The following CLNK variants were observed in gnomAD, a reference collection of about 807,000 sequenced individuals.
CLNK encodes cytokine-dependent hematopoietic cell linker.
In CLNK, 74 loss-of-function variants were observed where a neutral mutation model predicts 68.6. That is an observed-to-expected ratio of 1.08 (90% CI 0.89 to 1.31). The LOEUF (loss-of-function observed/expected upper bound fraction) is 1.31, where lower values mean the gene tolerates loss of function less well. CLNK is among the 50% of genes most tolerant of loss of function. CLNK has a pLI of 0.00. For missense variants in CLNK, 553 were observed against 515.3 expected, an observed-to-expected ratio of 1.07 and a Z score of -0.71; for synonymous variants, 198 against 172.2, an observed-to-expected ratio of 1.15 and a Z score of -1.17.
chr4:10,528,395 A>T (rs1718406020), intron 12 of CLNK, among the ~76,000 whole-genome samples: 1 of 152,222 alleles, frequency 6.6e-6, no homozygotes, highest in African/African-American at 2.4e-5. Context: ...AAATACTCTT[A>T]TTCTTATCTC....
At chr4:10,566,229 A>C in intron 5 of CLNK, 79 bp from the exon 6 acceptor site, 1 of 1,407,918 alleles carries the variant, frequency 7.1e-7, no homozygotes, top group Non-Finnish European at 9.7e-7. Flanking sequence ...TGGCTAGAGA[A>C]ATGGGGTAGA....
chr4:10,556,799 G>A (rs889725527), intron 8 of CLNK, among the ~76,000 whole-genome samples: 8 of 152,056 alleles, frequency 5.3e-5, no homozygotes, highest in African/African-American at 1.7e-4. Flanking sequence ...GAGAAGGGCC[G>A]GGTGTGGTGG....
the CLNK span, among the ~76,000 whole-genome samples, chr4:10,728,558 A>G: frequency 6.7e-6 from 1 of 149,986 alleles, no homozygotes; most frequent in Non-Finnish European, 1.5e-5. Context: ...CTCAGTGGTC[A>G]CTGATCTGTG....
intron 2 of CLNK, among the ~76,000 whole-genome samples, chr4:10,662,771 G>A (rs11731066): frequency 0.22 from 33,966 of 152,144 alleles, 4,731 homozygotes; most frequent in Non-Finnish European, 0.31. Flanking sequence ...GACAACTGTA[G>A]CAAGTTAGTG....
At chr4:10,499,144 T>G (rs1175271213) in intron 18 of CLNK, among the ~76,000 whole-genome samples, 1 of 152,172 alleles carries the variant, frequency 6.6e-6, no homozygotes, top group Non-Finnish European at 1.5e-5. Context: ...CCTCTCCACT[T>G]TCTTTTATAT....
At chr4:10,634,297 G>A (rs1722997843) in intron 2 of CLNK, among the ~76,000 whole-genome samples, 1 of 152,206 alleles carries the variant, frequency 6.6e-6, no homozygotes, top group African/African-American at 2.4e-5. Flanking sequence ...AGACACCTGG[G>A]TGGTCATTTT....
intron 3 of CLNK, among the ~76,000 whole-genome samples, chr4:10,590,697 A>G (rs777972801): frequency 1.3e-5 from 2 of 152,198 alleles, no homozygotes; most frequent in Non-Finnish European, 2.9e-5. Flanking sequence ...TTGAAAGACA[A>G]TTTGTACTTC....
chr4:10,610,992 G>A (rs1226774603), intron 2 of CLNK, among the ~76,000 whole-genome samples: 4 of 146,618 alleles, frequency 2.7e-5, no homozygotes, highest in East Asian at 2.0e-4. Flanking sequence ...GAGACCAGCC[G>A]GGGCAACATG....
At chr4:10,522,536 T>C (rs1399546428) in intron 14 of CLNK, among the ~76,000 whole-genome samples, 2 of 131,290 alleles carry the variant, frequency 1.5e-5, no homozygotes, top group Non-Finnish European at 3.1e-5. Flanking sequence ...ATCGTACCAC[T>C]GCACCCCAGC....
chr4:10,657,261 C>T (rs1560265950), intron 2 of CLNK, among the ~76,000 whole-genome samples: 1 of 152,036 alleles, frequency 6.6e-6, no homozygotes, highest in Non-Finnish European at 1.5e-5. Context: ...ATGATATAAA[C>T]TAAAGATAAA....
Position 10,540,522 on chromosome 4 carries a change from T to C in CLNK, c.574A>G (p.Thr192Ala). The C allele has an allele frequency of 6.2e-7, 1 of 1,613,354 alleles. No homozygotes were observed. Among genetic ancestry groups the C allele is most frequent in the Non-Finnish European group, 8.5e-7 (1 of 1,179,472 alleles). ...SSRPPLSQRH[T>A]FPEVQRMPSQ... Reference sequence around the variant, plus strand: ...GGCATTCTCTGGACTTCTGGAAAGGTGTGTCTCTGAGATAAAGGTGGCCTG... The same window carrying C: ...GGCATTCTCTGGACTTCTGGAAAGGCGTGTCTCTGAGATAAAGGTGGCCTG... Residue 192 changes from threonine (T) to alanine (A), a missense_variant, in exon 11 of 19, where the codon ACC becomes GCC. Coordinates refer to ENST00000226951, the MANE Select transcript of CLNK (RefSeq NM_052964.4).
chr4:10,590,695 C>T (rs1203901784), intron 3 of CLNK, among the ~76,000 whole-genome samples: 3 of 152,212 alleles, frequency 2.0e-5, no homozygotes, highest in African/African-American at 7.2e-5. Flanking sequence ...TTTTGAAAGA[C>T]AATTTGTACT....
intron 2 of CLNK, among the ~76,000 whole-genome samples, chr4:10,657,655 CA>C (rs1372465267): frequency 1.3e-5 from 2 of 152,138 alleles, no homozygotes; most frequent in African/African-American, 4.8e-5. Context: ...TTCAAACAGA[CA>C]ACAATGGGAA....
At chr4:10,722,692 A>T in the CLNK span, among the ~76,000 whole-genome samples, 1 of 152,336 alleles carries the variant, frequency 6.6e-6, no homozygotes, top group Admixed American at 6.5e-5. Flanking sequence ...TACACTCCAC[A>T]GGGTGGGAGT....
intron 2 of CLNK, among the ~76,000 whole-genome samples, chr4:10,602,760 T>G (rs1721637122): frequency 6.6e-6 from 1 of 152,014 alleles, no homozygotes. Flanking sequence ...TGAATCAGAC[T>G]CCCATCCAAA....
intron 3 of CLNK, among the ~76,000 whole-genome samples, chr4:10,587,511 C>T (rs557671457): frequency 1.3e-5 from 2 of 152,304 alleles, no homozygotes; most frequent in Admixed American, 1.3e-4. Flanking sequence ...CATCGCAACA[C>T]ACGCCAGGTG....
At chr4:10,643,505 A>G (rs1375657770) in intron 2 of CLNK, among the ~76,000 whole-genome samples, 1 of 152,218 alleles carries the variant, frequency 6.6e-6, no homozygotes, top group Admixed American at 6.5e-5. Flanking sequence ...CTATCTCATA[A>G]CTTCCTGCTT....
chr4:10,511,291 C>T (rs1717572737), intron 16 of CLNK, among the ~76,000 whole-genome samples: 1 of 152,198 alleles, frequency 6.6e-6, no homozygotes, highest in African/African-American at 2.4e-5. Flanking sequence ...TGTCACGGGC[C>T]ATGGTCACTC....
intron 5 of CLNK, among the ~76,000 whole-genome samples, chr4:10,568,386 G>A (rs1442505049): frequency 1.3e-5 from 2 of 152,140 alleles, no homozygotes; most frequent in African/African-American, 2.4e-5. Context: ...GGGGGAAGGG[G>A]GGACTGGGTT....
Sources: allele counts gnomAD v4.1 joint callset (sites outside exome capture counted in the v4.1 genomes callset), GRCh38; gene constraint gnomAD v4.1.1; transcripts MANE v1.5; gene names NCBI Gene and HGNC (gene_info 2026-07-23, HGNC 2026-07-21).